IGF2R: variants seen among roughly 807,000 people sequenced by gnomAD.
IGF2R encodes the protein cation-independent mannose-6-phosphate receptor.
IGF2R carries 91 observed loss-of-function variants against 270.6 expected under a neutral mutation model. The observed-to-expected ratio is 0.34, with a 90% CI of 0.28 to 0.40. IGF2R has a LOEUF of 0.40. Among genes scored for constraint, IGF2R ranks in the 10% least tolerant of loss-of-function variants. The pLI, the probability that IGF2R is intolerant of heterozygous loss-of-function variation, is 1.00. For missense variants in IGF2R, 2,805 were observed against 3,188.3 expected, an observed-to-expected ratio of 0.88 and a Z score of 2.90; for synonymous variants, 1,316 against 1,258.9, an observed-to-expected ratio of 1.05 and a Z score of -0.96.
rs542890424 is a variant in IGF2R at position 160,082,356 on chromosome 6, C to T, written c.5834-1594C>T. 3.3e-3 allele frequency among the ~76,000 whole-genome samples: 497 copies of T among 151,342 alleles called. 5 individuals carry two copies. Among genetic ancestry groups the T allele is most frequent in the African/African-American group, 0.012 (484 of 41,146 alleles). Reference sequence around the variant, plus strand: ...TGGAGTTTTGCTCTTGTTGCCCAGGCTAGAGTGCAGTGGTGCAGTCTTGGC... The same window carrying T: ...TGGAGTTTTGCTCTTGTTGCCCAGGTTAGAGTGCAGTGGTGCAGTCTTGGC... On this transcript the variant is annotated intron_variant, in intron 39 of 47. Coordinates refer to ENST00000356956, the MANE Select transcript of IGF2R (RefSeq NM_000876.4).
Position 160,102,451 on chromosome 6 carries a change from T to C in IGF2R, c.6843-68T>C, listed in dbSNP as rs1323015696. 10 of 1,550,198 alleles carry C rather than the reference T, an allele frequency of 6.5e-6. No homozygotes were observed. In the South Asian group the frequency reaches 8.2e-5, roughly 13 times the overall value. On this transcript the variant is annotated intron_variant, in intron 45 of 47. Transcript: ENST00000356956. This position sits in a 1 kb window ranked among gnomAD's most constrained non-coding sequence, Gnocchi z 4.5. ...GCTGCTCTTGCCTTGGGGACTCAGG[T>C]CTCAGGTTGTGGCTGTGGCAGCAGG...
chr6:159,988,591 G>C (rs1284549639), intron 1 of IGF2R, among the ~76,000 whole-genome samples: 2 of 140,148 alleles, frequency 1.4e-5, no homozygotes, highest in African/African-American at 2.7e-5. Flanking sequence ...ATTCCTACCA[G>C]TTAACTCATT....
intron 26 of IGF2R, 58 bp downstream of exon 26, chr6:160,062,677 G>T: frequency 8.0e-7 from 1 of 1,243,158 alleles, no homozygotes; most frequent in South Asian, 1.2e-5. Context: ...CAGACGTTCT[G>T]AACGATGCCT....
chr6:160,065,814 G>GTGTGTGTGTA, intron 29 of IGF2R, among the ~76,000 whole-genome samples: 7 of 78,390 alleles, frequency 8.9e-5, no homozygotes, highest in African/African-American at 2.3e-4. Flanking sequence ...GTGTGTGTGT[G>GTGTGTGTGTA]TATATATATA....
chr6:160,090,988 C>T (rs1424474057), intron 44 of IGF2R, among the ~76,000 whole-genome samples: 2 of 133,532 alleles, frequency 1.5e-5, no homozygotes, highest in Non-Finnish European at 1.6e-5. Flanking sequence ...TGGTGCTGAG[C>T]GCATCGCTGA....
intron 44 of IGF2R, chr6:160,093,508 G>A (rs1779277948): frequency 1.7e-6 from 1 of 578,350 alleles, no homozygotes; most frequent in Non-Finnish European, 3.2e-6. Context: ...CAAATCACAC[G>A]TCTGTACAGC....
chr6:160,058,080 A>G lies in IGF2R; in HGVS notation c.2854A>G (p.Ser952Gly), dbSNP rs1299736765. Residue 952 changes from serine to glycine, a missense_variant, in exon 21 of 48, where the codon AGT becomes GGT. By Grantham distance (56) the Ser-to-Gly change is moderately conservative (BLOSUM62 0). Around this residue, in one of 2 missense-constraint regions of IGF2R, gnomAD observed 1,851 missense variants for 2,207.2 expected, o/e 0.84. Coordinates refer to ENST00000356956, the MANE Select transcript of IGF2R (RefSeq NM_000876.4). ...TGTGTTTAATCTTAATCCGCTAAAC[A>G]GTTCGCAAGGATATAACGTCTCTGG... ...GFVFNLNPLNSSQGYNVSGIG... is the reference protein window; with the variant it reads ...GFVFNLNPLNGSQGYNVSGIG... 2 of 1,613,640 alleles carry G rather than the reference A, an allele frequency of 1.2e-6. No individual in the cohort carries two copies. The highest frequency in any genetic ancestry group is 8.5e-7 in the Non-Finnish European group (1 of 1,179,636).
chr6:160,069,490 A>G (rs1441179453), intron 30 of IGF2R, among the ~76,000 whole-genome samples: 1 of 152,210 alleles, frequency 6.6e-6, no homozygotes, highest in Non-Finnish European at 1.5e-5. Context: ...GGAAACAGGC[A>G]GAATTCTTGG....
intron 41 of IGF2R, among the ~76,000 whole-genome samples, chr6:160,085,987 G>A (rs1268583414): frequency 6.6e-6 from 1 of 152,252 alleles, no homozygotes; most frequent in Non-Finnish European, 1.5e-5. Context: ...GGGAAGGAGG[G>A]AAGGTCGTGG....
intron 31 of IGF2R, among the ~76,000 whole-genome samples, chr6:160,070,938 A>T (rs1389582460): frequency 6.6e-6 from 1 of 152,172 alleles, no homozygotes; most frequent in Non-Finnish European, 1.5e-5. Flanking sequence ...GCCTCTGAGC[A>T]TTCTCCTCTG....
chr6:160,087,381 C>CT (rs1461958338), intron 41 of IGF2R, among the ~76,000 whole-genome samples: 4 of 152,232 alleles, frequency 2.6e-5, no homozygotes, highest in Admixed American at 2.0e-4. Context: ...TTGTTGGGCA[C>CT]TTTCTATACA....
chr6:160,070,084 G>A (rs1235610596), intron 31 of IGF2R, 26 bp downstream of exon 31: 1 of 1,608,688 alleles, frequency 6.2e-7, no homozygotes, highest in African/African-American at 1.3e-5. Context: ...TGCACCTTCT[G>A]CTGTTGCAGC....
chr6:160,020,301 A>G (rs2115218134), intron 4 of IGF2R, among the ~76,000 whole-genome samples: 1 of 152,324 alleles, frequency 6.6e-6, no homozygotes, highest in East Asian at 1.9e-4. Flanking sequence ...AAGAAATTGT[A>G]GATAGCAGAA....
intron 19 of IGF2R, among the ~76,000 whole-genome samples, chr6:160,051,877 C>T (rs956666981): frequency 1.3e-5 from 2 of 151,622 alleles, no homozygotes; most frequent in Non-Finnish European, 1.5e-5. Context: ...CAGGAGGATT[C>T]CTTGAGCCCA....
At chr6:160,068,531 G>A in intron 30 of IGF2R, 146 bp downstream of exon 30, 1 of 1,415,420 alleles carries the variant, frequency 7.1e-7, no homozygotes, top group Non-Finnish European at 9.6e-7. Context: ...CTCGTGGGGT[G>A]GTGTTTGCTG....
At chr6:160,044,756 G>C (rs1778032099) in intron 13 of IGF2R, 99 bp downstream of exon 13, 3 of 938,564 alleles carry the variant, frequency 3.2e-6, no homozygotes. Flanking sequence ...AAGCTGATCA[G>C]ACAGATTGGC....
intron 10 of IGF2R, among the ~76,000 whole-genome samples, chr6:160,039,052 T>C (rs965095649): frequency 3.3e-5 from 5 of 152,194 alleles, no homozygotes; most frequent in African/African-American, 1.2e-4. Context: ...ATCAAATACA[T>C]TAATATAGTC....
intron 5 of IGF2R, among the ~76,000 whole-genome samples, chr6:160,026,160 T>G (rs1013192995): frequency 2.0e-5 from 3 of 152,208 alleles, no homozygotes; most frequent in Non-Finnish European, 4.4e-5. Flanking sequence ...GTATACCAAG[T>G]GGATTGTCTT....
chr6:160,001,251 T>G (rs773359569), intron 2 of IGF2R, among the ~76,000 whole-genome samples: 1 of 152,056 alleles, frequency 6.6e-6, no homozygotes, highest in Non-Finnish European at 1.5e-5. Flanking sequence ...AGTAGATGCT[T>G]ATAGGAGCGC....
Sources: gnomAD v4.1 joint callset for allele counts (sites outside exome capture counted in the v4.1 genomes callset) on GRCh38, gnomAD v4.1.1 for gene constraint, gnomAD v4.1.1 regional missense constraint, Gnocchi (gnomAD v3.1) non-coding constraint, MANE v1.5 for transcripts, NCBI Gene and HGNC (gene_info 2026-07-23, HGNC 2026-07-21) for gene names.